Variants in HUWE1 observed in about 807,000 individuals in gnomAD.
The protein encoded by HUWE1 is E3 ubiquitin-protein ligase HUWE1.
A neutral mutation model predicts 299.4 loss-of-function variants in HUWE1; 18 were observed. The ratio of observed to expected loss-of-function variants is 0.06; its 90% CI spans 0.04 to 0.09. The LOEUF is 0.09. Among genes scored for constraint, HUWE1 ranks in the 10% least tolerant of loss-of-function variants. The pLI, the probability that HUWE1 is intolerant of heterozygous loss-of-function variation, is 1.00. For missense variants in HUWE1, 1,832 were observed against 3,462.3 expected (o/e 0.53, Z 11.82); for synonymous variants, 1,317 against 1,286.1 (o/e 1.02, Z -0.51).
chrX:53,678,652 C>A (rs1557051988), intron 3 of HUWE1, among the ~76,000 whole-genome samples: 2 of 111,904 alleles, frequency 1.8e-5, no homozygotes, highest in African/African-American at 6.5e-5. Context: ...TTTAGTATTG[C>A]CATTTCAAGA....
At chrX:53,676,523 C>T (rs1176337782) in intron 3 of HUWE1, among the ~76,000 whole-genome samples, 1 of 112,062 alleles carries the variant, frequency 8.9e-6, no homozygotes, top group Non-Finnish European at 1.9e-5. Context: ...CTACCCTTGG[C>T]AAAAACAGAA....
intron 36 of HUWE1, among the ~76,000 whole-genome samples, chrX:53,589,005 CTTT>C (rs1316487005): frequency 8.9e-6 from 1 of 112,393 alleles, no homozygotes. Context: ...AAAGTTTTCC[CTTT>C]TTTAATTTCT....
At position 53,611,867 on chromosome X, in the gene HUWE1, A is replaced by T. The variant is rs191337589; in HGVS notation, c.2261+2667T>A. Among the ~76,000 whole-genome samples the T allele has an allele frequency of 4.2e-3, 468 of 110,173 alleles. 5 individuals are homozygous for T. Among genetic ancestry groups the T allele is most frequent in the Middle Eastern group, 9.4e-3 (2 of 213 alleles). ...AGTGAGACTCTGTCTCAAAAAAAAA[A>T]AAATAAATAAATAAAATAAAATAAA... On this transcript the variant is annotated intron_variant, in intron 23 of 83. Coordinates refer to ENST00000262854, the MANE Select transcript of HUWE1 (RefSeq NM_031407.7).
At chrX:53,630,587 A>G in intron 12 of HUWE1, among the ~76,000 whole-genome samples, 2 of 109,893 alleles carry the variant, frequency 1.8e-5, no homozygotes, top group East Asian at 5.7e-4. Flanking sequence ...TCAAGATGAT[A>G]TCCCTGAAAG....
intron 25 of HUWE1, among the ~76,000 whole-genome samples, chrX:53,606,687 A>C (rs1017005407): frequency 1.8e-5 from 2 of 111,935 alleles, no homozygotes; most frequent in Non-Finnish European, 3.8e-5. Flanking sequence ...ATAATGGTTG[A>C]ACCTTGAGGG....
At chrX:53,572,927 A>C in intron 47 of HUWE1, among the ~76,000 whole-genome samples, 1 of 111,104 alleles carries the variant, frequency 9.0e-6, no homozygotes, top group Non-Finnish European at 1.9e-5. Flanking sequence ...TTTTCTTGTT[A>C]GATGCCAACC....
intron 60 of HUWE1, 199 bp downstream of exon 60, chrX:53,557,183 G>C (rs201823006): frequency 5.4e-6 from 3 of 553,633 alleles, no homozygotes; most frequent in Non-Finnish European, 1.0e-5. Flanking sequence ...CGGAGAAGAA[G>C]TGTACCACCG....
In HUWE1 at chrX:53,554,938, A is replaced by G. The variant is rs782800435; in HGVS notation, c.8207-18T>C. 1.9e-5 allele frequency: 22 copies of G among 1,142,618 alleles called. No individual in the cohort carries two copies. In the South Asian group the frequency reaches 4.2e-4, roughly 22 times the overall value. 94.2% of individuals were successfully genotyped at this position (1,142,618 alleles called of 1,213,427 possible). On this transcript the variant is annotated intron_variant, in intron 60 of 83. Coordinates refer to ENST00000262854, the MANE Select transcript of HUWE1 (RefSeq NM_031407.7). ...CGTCCCATCTTTCTCGGAAAGAACA[A>G]TAATAGTGGTTAAGGGGCAACCAGC...
chrX:53,561,663 T>C, intron 55 of HUWE1, 93 bp downstream of exon 55: 4 of 1,168,498 alleles, frequency 3.4e-6, no homozygotes, highest in Non-Finnish European at 4.6e-6. Context: ...AAGTGCTGTC[T>C]GTATCGGATC....
chrX:53,620,538 G>C (rs1365853702), intron 19 of HUWE1, among the ~76,000 whole-genome samples: 4 of 111,801 alleles, frequency 3.6e-5, no homozygotes, highest in African/African-American at 1.3e-4. Context: ...GTGAGCCAGT[G>C]CCTGGCCCAT....
At chrX:53,677,643 A>G (rs1282569749) in intron 3 of HUWE1, among the ~76,000 whole-genome samples, 2 of 109,971 alleles carry the variant, frequency 1.8e-5, no homozygotes, top group Non-Finnish European at 3.8e-5. Context: ...ATGCCTCACT[A>G]TAAAATAGAC....
Position 53,542,928 on chromosome X carries a change from CTT to C in HUWE1, c.11380-391_11380-390del, listed in dbSNP as rs201325426. 1,188 of 137,670 alleles carry C rather than the reference CTT, an allele frequency of 8.6e-3. 26 individuals are homozygous for C. Among genetic ancestry groups the C allele is most frequent in the African/African-American group, 0.037 (1,133 of 30,626 alleles). 11.3% of individuals were successfully genotyped at this position (137,670 alleles called of 1,213,427 possible). On this transcript the variant is annotated intron_variant, in intron 73 of 83. Coordinates refer to ENST00000262854, the MANE Select transcript of HUWE1 (RefSeq NM_031407.7). ...CAGATGGGTGGAAGGTAGGTCTGCT[CTT>C]TGTTTCTGTTTGCTCACAAAAGGGG...
chrX:53,544,475 A>G, intron 72 of HUWE1, 85 bp downstream of exon 72: 1 of 728,369 alleles, frequency 1.4e-6, no homozygotes, highest in East Asian at 3.3e-5. Context: ...CAGGAAGGAG[A>G]CAGGCCGTTA....
intron 75 of HUWE1, 44 bp downstream of exon 75, chrX:53,539,613 G>GCA: frequency 8.4e-7 from 1 of 1,193,108 alleles, no homozygotes; most frequent in Non-Finnish European, 1.1e-6. Context: ...GGGCCCCAGA[G>GCA]CAGACCACTG....
intron 42 of HUWE1, among the ~76,000 whole-genome samples, chrX:53,583,045 T>G (rs1270236755): frequency 2.7e-5 from 3 of 112,428 alleles, no homozygotes; most frequent in Non-Finnish European, 5.6e-5. Flanking sequence ...GTTTGTAAGT[T>G]TCCTAAAATA....
At chrX:53,632,244 C>T (rs1712810389) in intron 9 of HUWE1, among the ~76,000 whole-genome samples, 1 of 111,928 alleles carries the variant, frequency 8.9e-6, no homozygotes, top group Non-Finnish European at 1.9e-5. Flanking sequence ...GCACATAGGT[C>T]ATAGCAGTGC....
At chrX:53,674,628 C>A (rs1246508997) in intron 3 of HUWE1, among the ~76,000 whole-genome samples, 1 of 111,942 alleles carries the variant, frequency 8.9e-6, no homozygotes, top group Non-Finnish European at 1.9e-5. Flanking sequence ...TCTTGCTTAA[C>A]CCTAACAAAA....
chrX:53,605,974 A>T (rs1300658888), intron 25 of HUWE1, among the ~76,000 whole-genome samples: 1 of 112,164 alleles, frequency 8.9e-6, no homozygotes, highest in African/African-American at 3.2e-5. Context: ...AGACCTGAAT[A>T]TAAGAGCTAA....
chrX:53,546,713 G>A lies in HUWE1; in HGVS notation c.10749C>T (p.Leu3583=), dbSNP rs782300614. The A allele has an allele frequency of 3.3e-6, 4 of 1,209,562 alleles. No individual in the cohort carries two copies. Among genetic ancestry groups the A allele is most frequent in the Middle Eastern group, 2.3e-4 (1 of 4,371 alleles). The change falls in exon 69 of 84, where the codon CTC becomes CTT. Residue 3583 remains leucine, a synonymous_variant. Coordinates refer to ENST00000262854, the MANE Select transcript of HUWE1 (RefSeq NM_031407.7). ...SSGLTENQLQ[L]SVEVLTSHSC... ...AAGAGCTTGGACTCACCTCTACAGAGAGCTGTAGCTGGTTTTCAGTGAGGC... is the reference window on the plus strand; with the variant it reads ...AAGAGCTTGGACTCACCTCTACAGAAAGCTGTAGCTGGTTTTCAGTGAGGC...
Sources: allele counts gnomAD v4.1 joint callset (sites outside exome capture counted in the v4.1 genomes callset), GRCh38; gene constraint gnomAD v4.1.1; transcripts MANE v1.5; gene names NCBI Gene and HGNC (gene_info 2026-07-23, HGNC 2026-07-21).